The following BRAF variants were observed in gnomAD, a reference collection of about 807,000 sequenced individuals.
BRAF encodes the protein serine/threonine-protein kinase B-raf.
A neutral mutation model predicts 104.6 loss-of-function variants in BRAF; 16 were observed. The ratio of observed to expected loss-of-function variants is 0.15; its 90% CI spans 0.10 to 0.23. BRAF has a LOEUF of 0.23. Among genes scored for constraint, BRAF ranks in the 10% least tolerant of loss-of-function variants. BRAF has a pLI of 1.00. For missense variants in BRAF, 541 were observed against 937.3 expected, an observed-to-expected ratio of 0.58 and a Z score of 5.52; for synonymous variants, 310 against 341.6, an observed-to-expected ratio of 0.91 and a Z score of 1.02.
chr7:140,895,545 T>C (rs893838701), intron 1 of BRAF, among the ~76,000 whole-genome samples: 2 of 152,220 alleles, frequency 1.3e-5, no homozygotes, highest in African/African-American at 4.8e-5. Context: ...GCTGTAATTT[T>C]GTATCCATGA....
intron 1 of BRAF, among the ~76,000 whole-genome samples, chr7:140,855,468 T>G (rs1186876301): frequency 1.3e-5 from 2 of 151,962 alleles, no homozygotes; most frequent in Non-Finnish European, 2.9e-5. Flanking sequence ...ACTGAGAATT[T>G]TTTTTAAAAA....
chr7:140,867,528 T>TA (rs59966444), intron 1 of BRAF, among the ~76,000 whole-genome samples: 22,056 of 143,282 alleles, frequency 0.15, 2,580 homozygotes, highest in African/African-American at 0.34. Flanking sequence ...AGATAAACGC[T>TA]AAAAAAAAAA....
In BRAF at chr7:140,726,121, G is replaced by A. The variant is rs887728188; in HGVS notation, c.*373C>T. On this transcript the variant is annotated 3_prime_UTR_variant, in exon 20 of 20. Transcript: ENST00000644969. ...TGATCAGCCACAAATTGATCTGGTGGTTAGAAGGGCAAAGTTGACTGGCAG... is the reference window on the plus strand; with the variant it reads ...TGATCAGCCACAAATTGATCTGGTGATTAGAAGGGCAAAGTTGACTGGCAG... 9.0e-6 allele frequency: 10 copies of A among 1,105,100 alleles called. No individual in the cohort carries two copies. Among genetic ancestry groups the A allele is most frequent in the Non-Finnish European group, 9.9e-6 (9 of 905,592 alleles). 68.5% of individuals were successfully genotyped at this position (1,105,100 alleles called of 1,614,324 possible). A position where few individuals can be genotyped will look rare whatever the true frequency, so the allele number is the denominator to read the frequency against.
chr7:140,776,825 A>G, intron 14 of BRAF, 87 bp downstream of exon 13: 1 of 1,313,296 alleles, frequency 7.6e-7, no homozygotes, highest in Non-Finnish European at 1.1e-6. Context: ...TTAAAATGCA[A>G]TCCAAAAGAA....
At chr7:140,751,730 G>T (rs1797807983) in intron 16 of BRAF, among the ~76,000 whole-genome samples, 1 of 152,094 alleles carries the variant, frequency 6.6e-6, no homozygotes, top group Admixed American at 6.6e-5. Context: ...ACTGTCATAA[G>T]AAATCACAGC....
chr7:140,803,677 A>G (rs1214234221), intron 5 of BRAF, among the ~76,000 whole-genome samples: 4 of 152,230 alleles, frequency 2.6e-5, no homozygotes, highest in Non-Finnish European at 4.4e-5. Context: ...CAACATGTTA[A>G]GAATTCCATG....
chr7:140,919,693 T>G (rs1243469372), intron 1 of BRAF, among the ~76,000 whole-genome samples: 1 of 152,114 alleles, frequency 6.6e-6, no homozygotes, highest in Non-Finnish European at 1.5e-5. Flanking sequence ...TGAGGCTATA[T>G]TTTTCTTCTT....
At chr7:140,829,286 T>G (rs1326988249) in intron 3 of BRAF, among the ~76,000 whole-genome samples, 1 of 151,686 alleles carries the variant, frequency 6.6e-6, no homozygotes, top group East Asian at 1.9e-4. Context: ...ATTAAGATAG[T>G]GACCTCAACT....
chr7:140,715,821 CTGT>C (rs1429622423), downstream of BRAF, among the ~76,000 whole-genome samples: 2 of 152,220 alleles, frequency 1.3e-5, no homozygotes, highest in African/African-American at 4.8e-5. Context: ...GGGCCAGGCA[CTGT>C]TGTTAGCACT....
chr7:140,855,474 A>T (rs983056431), intron 1 of BRAF, among the ~76,000 whole-genome samples: 35 of 152,054 alleles, frequency 2.3e-4, no homozygotes, highest in African/African-American at 6.5e-4. Flanking sequence ...AATTTTTTTT[A>T]AAAAATCCTA....
intron 7 of BRAF, among the ~76,000 whole-genome samples, chr7:140,797,417 T>G (rs1185059207): frequency 6.6e-6 from 1 of 152,194 alleles, no homozygotes; most frequent in Non-Finnish European, 1.5e-5. Flanking sequence ...ATTACACTTG[T>G]TTCATGACCA....
At chr7:140,735,565 T>C (rs1796336933) in intron 18 of BRAF, among the ~76,000 whole-genome samples, 1 of 152,182 alleles carries the variant, frequency 6.6e-6, no homozygotes, top group Non-Finnish European at 1.5e-5. Flanking sequence ...CCAATTTTTT[T>C]TTTTTTTTGA....
chr7:140,816,850 A>G (rs2129052604), intron 3 of BRAF, among the ~76,000 whole-genome samples: 1 of 152,270 alleles, frequency 6.6e-6, no homozygotes, highest in East Asian at 1.9e-4. Flanking sequence ...CCACAGCTAG[A>G]ATCATAATTA....
rs2130899181 is a variant in BRAF at position 140,739,821 on chromosome 7, G to A, written c.2238C>T (p.Leu746=). 6.2e-7 allele frequency: 1 copy of A among 1,612,234 alleles called. No individual in the cohort carries two copies. Among genetic ancestry groups the A allele is most frequent in the Non-Finnish European group, 8.5e-7 (1 of 1,179,946 alleles). ...CLKKKRDERP[L]FPQILASIEL... ...TGAAGCTTTTACTTACTTGGGGAAA[G>A]AGTGGTCTCTCATCTCTTTTCTTTT... The change falls in exon 18 of 20, where the codon CTC becomes CTT. Residue 746 remains leucine (L), a synonymous_variant. Coordinates refer to ENST00000644969, the MANE Select transcript of BRAF (RefSeq NM_001374258.1).
intron 2 of BRAF, among the ~76,000 whole-genome samples, chr7:140,838,211 A>G (rs903272908): frequency 1.3e-5 from 2 of 152,202 alleles, no homozygotes. Context: ...TCTTTGTCAA[A>G]ATCCAGAAGA....
At chr7:140,879,242 C>T (rs747098244) in intron 1 of BRAF, among the ~76,000 whole-genome samples, 51 of 151,564 alleles carry the variant, frequency 3.4e-4, no homozygotes, top group Admixed American at 9.9e-4. Context: ...AGTACAATGG[C>T]GGGATCTCTG....
At chr7:140,769,908 C>A (rs1799678432) in intron 14 of BRAF, among the ~76,000 whole-genome samples, 1 of 152,154 alleles carries the variant, frequency 6.6e-6, no homozygotes, top group South Asian at 2.1e-4. Flanking sequence ...TCCTATAATA[C>A]ATCTCTTTCT....
chr7:140,720,907 T>C lies in BRAF; in HGVS notation c.*5587A>G. On this transcript the variant is annotated 3_prime_UTR_variant, in exon 20 of 20. Coordinates refer to ENST00000644969, the MANE Select transcript of BRAF (RefSeq NM_001374258.1). ...TTGCGGCATCTCTTCACAAATTTTCTGCCAACTCTCCCGCATATGTGCTGT... is the reference window on the plus strand; with the variant it reads ...TTGCGGCATCTCTTCACAAATTTTCCGCCAACTCTCCCGCATATGTGCTGT... 9.4e-7 allele frequency: 1 copy of C among 1,066,048 alleles called. No individual in the cohort carries two copies. Among genetic ancestry groups the C allele is most frequent in the Non-Finnish European group, 1.1e-6 (1 of 879,716 alleles). 66.0% of individuals were successfully genotyped at this position (1,066,048 alleles called of 1,614,324 possible). A position where few individuals can be genotyped will look rare whatever the true frequency, so the allele number is the denominator to read the frequency against.
intron 3 of BRAF, among the ~76,000 whole-genome samples, chr7:140,815,811 G>A (rs1804821175): frequency 6.6e-6 from 1 of 152,050 alleles, no homozygotes; most frequent in Non-Finnish European, 1.5e-5. Context: ...AGTAGAAAAA[G>A]GAGGATGTCT....
Sources: gnomAD v4.1 joint callset for allele counts (sites outside exome capture counted in the v4.1 genomes callset) on GRCh38, gnomAD v4.1.1 for gene constraint, MANE v1.5 for transcripts, NCBI Gene and HGNC (gene_info 2026-07-23, HGNC 2026-07-21) for gene names.